The following ZNF536 variants were observed in gnomAD, a reference collection of about 807,000 sequenced individuals.
The protein encoded by ZNF536 is zinc finger protein 536.
A neutral mutation model predicts 84.5 loss-of-function variants in ZNF536; 13 were observed. The observed-to-expected ratio is 0.15, with a 90% CI of 0.10 to 0.24. The LOEUF (loss-of-function observed/expected upper bound fraction) is 0.24. Ranked by LOEUF, ZNF536 falls within the 10% of genes least tolerant of loss-of-function variation. ZNF536 has a pLI of 1.00. For synonymous variants in ZNF536, 811 were observed against 742.5 expected (o/e 1.09, Z -1.50); for missense variants, 1,536 against 1,747.5 (o/e 0.88, Z 2.16).
chr19:30,369,118 T>A (rs1288058985), upstream of ZNF536, among the ~76,000 whole-genome samples: 2 of 152,224 alleles, frequency 1.3e-5, no homozygotes, highest in African/African-American at 2.4e-5. Context: ...GAGGTGCTTA[T>A]GTGCACTGTC....
chr19:30,242,192 C>T (rs2023986066), intron 1 of ZNF536, among the ~76,000 whole-genome samples: 1 of 152,080 alleles, frequency 6.6e-6, no homozygotes, highest in Non-Finnish European at 1.5e-5. Context: ...TTCTATTCTT[C>T]TTCCTAGGCA....
At chr19:30,667,907 A>G (rs1292638796) in intron 1 of ZNF536, among the ~76,000 whole-genome samples, 2 of 152,110 alleles carry the variant, frequency 1.3e-5, no homozygotes, top group African/African-American at 4.8e-5. Flanking sequence ...GCCTCATTTC[A>G]TCGATGGGGA....
At chr19:30,376,187 A>G (rs1299172549) in intron 1 of ZNF536, among the ~76,000 whole-genome samples, 1 of 152,056 alleles carries the variant, frequency 6.6e-6, no homozygotes, top group Non-Finnish European at 1.5e-5. Flanking sequence ...TCCCTGAGGA[A>G]ATTTCCAGTG....
intron 2 of ZNF536, among the ~76,000 whole-genome samples, chr19:30,295,217 T>C (rs984804584): frequency 1.3e-5 from 2 of 151,946 alleles, no homozygotes; most frequent in Non-Finnish European, 2.9e-5. Flanking sequence ...GGGATAATTC[T>C]CAAACTTGGC....
chr19:30,326,793 T>TTTTTTTTTG (rs1221986447), intron 2 of ZNF536, among the ~76,000 whole-genome samples: 1 of 112,712 alleles, frequency 8.9e-6, no homozygotes, highest in African/African-American at 3.9e-5. Flanking sequence ...ATAAAAAGCT[T>TTTTTTTTTG]TTTTTTTTTT....
At chr19:30,516,044 A>AAG (rs2055632320) in intron 2 of ZNF536, among the ~76,000 whole-genome samples, 1 of 149,762 alleles carries the variant, frequency 6.7e-6, no homozygotes, top group Admixed American at 6.7e-5. Flanking sequence ...AAAAAAAAAG[A>AAG]AAAAAAAGCA....
chr19:30,373,228 G>A (rs1036855683), intron 1 of ZNF536, among the ~76,000 whole-genome samples: 5 of 151,964 alleles, frequency 3.3e-5, no homozygotes, highest in African/African-American at 4.8e-5. Context: ...CCAGTAGAAC[G>A]GAACTCTTCC....
intron 1 of ZNF536, among the ~76,000 whole-genome samples, chr19:30,657,202 G>A (rs2049945048): frequency 6.6e-6 from 1 of 152,200 alleles, no homozygotes; most frequent in African/African-American, 2.4e-5. Context: ...AACAGACTGG[G>A]GGAGAGCTCT....
At chr19:30,515,888 G>A (rs759130630) in intron 2 of ZNF536, among the ~76,000 whole-genome samples, 8 of 151,944 alleles carry the variant, frequency 5.3e-5, no homozygotes, top group East Asian at 1.9e-4. Context: ...TTAGCAGGGC[G>A]TGGTGGGAGG....
chr19:30,506,747 A>G (rs906436912), intron 2 of ZNF536, among the ~76,000 whole-genome samples: 3 of 152,122 alleles, frequency 2.0e-5, no homozygotes, highest in African/African-American at 4.8e-5. Context: ...ACTAGGTTTT[A>G]TTTTGATCCC....
chr19:30,244,186 G>A (rs891607400), intron 1 of ZNF536, among the ~76,000 whole-genome samples: 1 of 152,216 alleles, frequency 6.6e-6, no homozygotes, highest in African/African-American at 2.4e-5. Context: ...CGTGATAGAT[G>A]TGATTGATCG....
chr19:30,386,647 G>A (rs1366054346), intron 1 of ZNF536, among the ~76,000 whole-genome samples: 4 of 152,180 alleles, frequency 2.6e-5, no homozygotes, highest in African/African-American at 4.8e-5. Context: ...CAAAATGTTG[G>A]GATTATAGGC....
chr19:30,566,086 A>C (rs2046336316), intron 1 of ZNF536, among the ~76,000 whole-genome samples: 1 of 152,210 alleles, frequency 6.6e-6, no homozygotes, highest in South Asian at 2.1e-4. Context: ...AAAGAAAGTC[A>C]CTTTCAGGGC....
chr19:30,376,357 G>C (rs977383708), intron 1 of ZNF536, among the ~76,000 whole-genome samples: 1 of 152,144 alleles, frequency 6.6e-6, no homozygotes, highest in African/African-American at 2.4e-5. Flanking sequence ...CGCAGAGGGC[G>C]ATGGTGTCTC....
At position 30,710,377 on chromosome 19, in the gene ZNF536, A is replaced by AAAAC. The variant is rs535100773; in HGVS notation, c.170-368_170-365dup. 3.8e-4 allele frequency among the ~76,000 whole-genome samples: 58 copies of AAAAC among 152,270 alleles called. No individual in the cohort carries two copies. The East Asian group carries it at 0.011, about 28-fold the overall frequency. On this transcript the variant is annotated intron_variant, in intron 1 of 1. Transcript: ENST00000592773. ...GGCAACATAGCGAGATCCTGTCTCT[A>AAAAC]AAACAAACAAACAAAATTGCTGGGC... is the stretch of plus-strand genomic sequence containing the variant.
At chr19:30,303,171 G>A (rs1345187499) in intron 2 of ZNF536, among the ~76,000 whole-genome samples, 1 of 152,112 alleles carries the variant, frequency 6.6e-6, no homozygotes, top group Admixed American at 6.5e-5. Context: ...TGGTGTCCAG[G>A]GTCTCCTGGG....
At chr19:30,244,441 A>G (rs1172131015) in intron 1 of ZNF536, among the ~76,000 whole-genome samples, 1 of 152,232 alleles carries the variant, frequency 6.6e-6, no homozygotes, top group Admixed American at 6.5e-5. Flanking sequence ...AATAGCAGAT[A>G]ATAACATACA....
intron 1 of ZNF536, among the ~76,000 whole-genome samples, chr19:30,641,286 T>C (rs35471649): frequency 0.45 from 67,988 of 151,994 alleles, 15,653 homozygotes; most frequent in Middle Eastern, 0.51. Context: ...TTCTGATTAT[T>C]TAAAAAATAG....
chr19:30,539,885 G>A (rs1490565319), intron 3 of ZNF536, among the ~76,000 whole-genome samples: 1 of 152,210 alleles, frequency 6.6e-6, no homozygotes, highest in African/African-American at 2.4e-5. Flanking sequence ...GGTTTTTCGG[G>A]ATGGGGTTGT....
Sources: allele counts gnomAD v4.1 joint callset (sites outside exome capture counted in the v4.1 genomes callset), GRCh38; gene constraint gnomAD v4.1.1; transcripts MANE v1.5; gene names NCBI Gene and HGNC (gene_info 2026-07-23, HGNC 2026-07-21).